Variants in FRMD4B observed in about 807,000 individuals in gnomAD.
The protein encoded by FRMD4B is FERM domain-containing protein 4B.
In FRMD4B, 74 loss-of-function variants were observed where a neutral mutation model predicts 141.5. The observed-to-expected ratio is 0.52, with a 90% CI of 0.43 to 0.63. The LOEUF (loss-of-function observed/expected upper bound fraction) is 0.63, where lower values mean the gene tolerates loss of function less well. Among genes scored for constraint, FRMD4B ranks in the 30% least tolerant of loss-of-function variants. The pLI, the probability that FRMD4B is intolerant of heterozygous loss-of-function variation, is 0.00. For missense variants in FRMD4B, 1,366 were observed against 1,253.4 expected, an observed-to-expected ratio of 1.09 and a Z score of -1.36; for synonymous variants, 506 against 467.9, an observed-to-expected ratio of 1.08 and a Z score of -1.05.
intron 1 of FRMD4B, among the ~76,000 whole-genome samples, chr3:69,515,162 A>AG (rs1339228034): frequency 2.0e-5 from 3 of 152,138 alleles, no homozygotes; most frequent in Non-Finnish European, 2.9e-5. Flanking sequence ...TGGGTGGGGT[A>AG]GGGGGTGCAA....
chr3:69,397,769 T>C (rs1056327781), intron 2 of FRMD4B, among the ~76,000 whole-genome samples: 1 of 152,132 alleles, frequency 6.6e-6, no homozygotes, highest in Admixed American at 6.5e-5. Context: ...TTTGGGACAA[T>C]GAAAATGTTC....
intron 2 of FRMD4B, among the ~76,000 whole-genome samples, chr3:69,423,107 A>G (rs1222036795): frequency 6.6e-6 from 1 of 152,212 alleles, no homozygotes; most frequent in Non-Finnish European, 1.5e-5. Context: ...AAACTTGCCT[A>G]CTGGTTAGAA....
intron 2 of FRMD4B, among the ~76,000 whole-genome samples, chr3:69,421,047 G>A (rs1704968809): frequency 1.3e-5 from 2 of 152,192 alleles, no homozygotes; most frequent in Admixed American, 1.3e-4. Flanking sequence ...CAGCCCAGAT[G>A]GGAAGAAGGC....
intron 1 of FRMD4B, among the ~76,000 whole-genome samples, chr3:69,529,182 G>A (rs1326663064): frequency 3.9e-5 from 6 of 152,302 alleles, no homozygotes; most frequent in South Asian, 2.1e-4. Context: ...GTGCTAGTCC[G>A]TTGCTGCCAT....
intron 3 of FRMD4B, among the ~76,000 whole-genome samples, chr3:69,309,115 C>T (rs1264894738): frequency 6.6e-6 from 1 of 151,872 alleles, no homozygotes; most frequent in African/African-American, 2.4e-5. Flanking sequence ...AGTGGGCATT[C>T]AAAAAATATT....
In FRMD4B at chr3:69,385,927, C is replaced by T; in HGVS notation, c.63G>A (p.Trp21Ter). The change falls in exon 1 of 23, where the codon TGG becomes TGA. Residue 21 changes from tryptophan (W) to a stop codon, truncating the protein, a stop_gained. Transcript: ENST00000398540. LOFTEE classifies it high-confidence loss of function. ...DLLFSGSRFV[W>*]NLTVSTLRRW... ...TCCGCAGCGTGGACACGGTCAAGTT[C>T]CATACGAAGCGGCTGCCGCTGAACA... The T allele has an allele frequency of 6.2e-7, 1 of 1,605,194 alleles. No homozygotes were observed. The highest frequency in any genetic ancestry group is 1.1e-5 in the South Asian group (1 of 88,852).
intron 1 of FRMD4B, among the ~76,000 whole-genome samples, chr3:69,462,335 T>C (rs1705720586): frequency 6.6e-6 from 1 of 152,176 alleles, no homozygotes; most frequent in Admixed American, 6.6e-5. Context: ...GGGTCACTCC[T>C]GGAAATGTTC....
intron 1 of FRMD4B, among the ~76,000 whole-genome samples, chr3:69,513,290 T>C (rs1325888202): frequency 2.0e-5 from 3 of 152,094 alleles, no homozygotes; most frequent in Non-Finnish European, 4.4e-5. Context: ...TACCAACAGA[T>C]TGGATAATGT....
rs192915518 is a variant in FRMD4B at position 69,345,944 on chromosome 3, C to T, written c.163-32427G>A. On this transcript the variant is annotated intron_variant, in intron 1 of 22. Transcript: ENST00000398540. ...GAGCGCCTCCCCACCTCCAAAGGAA[C>T]GCAGCTACTTGCCAGCAATGCAACA... is the stretch of plus-strand genomic sequence containing the variant. Among the ~76,000 whole-genome samples, 413 of 152,256 alleles carry T rather than the reference C, an allele frequency of 2.7e-3. 1 individual carries two copies. The highest frequency in any genetic ancestry group is 4.8e-3 in the Non-Finnish European group (327 of 68,010).
chr3:69,202,664 T>C (rs1209352965), intron 11 of FRMD4B, among the ~76,000 whole-genome samples: 2 of 152,160 alleles, frequency 1.3e-5, no homozygotes. Flanking sequence ...TTAGACAAAA[T>C]CTATGCTGCT....
Position 69,182,724 on chromosome 3 carries a change from T to C in FRMD4B, c.1920-7A>G. ...GTGTGTGGACAGCATTTCTCTGTGATGATAAAAAGAAGAATTCAGGAAATG... is the reference window on the plus strand; with the variant it reads ...GTGTGTGGACAGCATTTCTCTGTGACGATAAAAAGAAGAATTCAGGAAATG... On this transcript the variant is annotated splice_polypyrimidine_tract_variant and splice_region_variant and intron_variant, in intron 19 of 22. Coordinates refer to ENST00000398540, the MANE Select transcript of FRMD4B (RefSeq NM_015123.3). 6 of 1,610,432 alleles carry C rather than the reference T, an allele frequency of 3.7e-6. No homozygotes were observed. The highest frequency in any genetic ancestry group is 5.1e-6 in the Non-Finnish European group (6 of 1,178,942).
At chr3:69,387,714 C>T (rs2106711126), upstream of FRMD4B, among the ~76,000 whole-genome samples, 1 of 152,304 alleles carries the variant, frequency 6.6e-6, no homozygotes. Context: ...CTCAATCAGT[C>T]AAAAGACGAA....
chr3:69,315,542 GTTTC>G (rs1440878559), intron 1 of FRMD4B, among the ~76,000 whole-genome samples: 1 of 152,074 alleles, frequency 6.6e-6, no homozygotes, highest in East Asian at 1.9e-4. Flanking sequence ...TTTTGTTGTT[GTTTC>G]TTTCTTTTTC....
intron 1 of FRMD4B, among the ~76,000 whole-genome samples, chr3:69,541,906 G>A (rs1036115957): frequency 6.6e-6 from 1 of 151,850 alleles, no homozygotes; most frequent in African/African-American, 2.4e-5. Flanking sequence ...GGTCCCCGGC[G>A]GCGCGTTTGC....
At chr3:69,279,141 C>T (rs1559773728) in intron 5 of FRMD4B, among the ~76,000 whole-genome samples, 1 of 152,064 alleles carries the variant, frequency 6.6e-6, no homozygotes, top group African/African-American at 2.4e-5. Context: ...AGACTTAGGA[C>T]TTTTAGGCCA....
intron 1 of FRMD4B, among the ~76,000 whole-genome samples, chr3:69,464,150 G>C (rs532345524): frequency 6.6e-5 from 10 of 152,338 alleles, no homozygotes; most frequent in African/African-American, 2.2e-4. Flanking sequence ...AACTAAGGCT[G>C]ACTTTCTGAA....
intron 5 of FRMD4B, among the ~76,000 whole-genome samples, chr3:69,286,879 A>G (rs890098368): frequency 1.3e-5 from 2 of 152,352 alleles, no homozygotes; most frequent in African/African-American, 4.8e-5. Context: ...ATCTAGGCTC[A>G]CTGCAACCTC....
intron 1 of FRMD4B, among the ~76,000 whole-genome samples, chr3:69,487,932 CTATTT>C (rs1462129173): frequency 6.6e-6 from 1 of 152,050 alleles, no homozygotes; most frequent in East Asian, 1.9e-4. Flanking sequence ...AAAATGCATT[CTATTT>C]TATTTGTATT....
At position 69,169,517 on chromosome 3, in the gene FRMD4B, C is replaced by T. The variant is rs912028293; in HGVS notation, c.*2344G>A. Among the ~76,000 whole-genome samples, 18 of 152,162 alleles carry T rather than the reference C, an allele frequency of 1.2e-4. No homozygotes were observed. The highest frequency in any genetic ancestry group is 3.9e-4 in the African/African-American group (16 of 41,490). On this transcript the variant is annotated 3_prime_UTR_variant, in exon 23 of 23. Transcript: ENST00000398540. ...AGATTACAGGCACACATCACCATGA[C>T]TGGCTAATTTTTGTATTTTCATAGA...
Sources: allele counts gnomAD v4.1 joint callset (sites outside exome capture counted in the v4.1 genomes callset), GRCh38; gene constraint gnomAD v4.1.1; transcripts MANE v1.5; gene names NCBI Gene and HGNC (gene_info 2026-07-23, HGNC 2026-07-21).